Variants in ASTN2 observed in about 807,000 individuals in gnomAD.
ASTN2 encodes astrotactin 2.
A neutral mutation model predicts 139.8 loss-of-function variants in ASTN2; 54 were observed. That is an observed-to-expected ratio of 0.39 (90% CI 0.31 to 0.48). ASTN2 has a LOEUF of 0.48. Ranked by LOEUF, ASTN2 falls within the 20% of genes least tolerant of loss-of-function variation. ASTN2 has a pLI of 0.95. For missense variants in ASTN2, 1,565 were observed against 1,725.1 expected, an observed-to-expected ratio of 0.91 and a Z score of 1.64; for synonymous variants, 756 against 719.5, an observed-to-expected ratio of 1.05 and a Z score of -0.81.
intron 1 of ASTN2, among the ~76,000 whole-genome samples, chr9:117,361,325 T>G (rs906861359): frequency 6.6e-6 from 1 of 152,154 alleles, no homozygotes. Context: ...GCGGCCAGCA[T>G]AGCAAGTCGC....
chr9:117,363,002 T>A (rs1421114040), intron 1 of ASTN2, among the ~76,000 whole-genome samples: 1 of 152,170 alleles, frequency 6.6e-6, no homozygotes, highest in Non-Finnish European at 1.5e-5. Context: ...AGTTTCAATA[T>A]CCAAACCAAA....
At chr9:117,322,370 C>A (rs533953260) in intron 1 of ASTN2, among the ~76,000 whole-genome samples, 2 of 152,316 alleles carry the variant, frequency 1.3e-5, no homozygotes, top group African/African-American at 2.4e-5. Flanking sequence ...TTAATGATCA[C>A]CTGCCATGTG....
At chr9:116,733,591 A>T (rs1828845141) in intron 13 of ASTN2, 68 bp from the exon 14 acceptor site, 1 of 1,596,848 alleles carries the variant, frequency 6.3e-7, no homozygotes, top group Middle Eastern at 1.7e-4. Context: ...CAGGGCAAGG[A>T]GGCAGGATGC....
chr9:116,448,533 T>A (rs994464908), intron 20 of ASTN2, among the ~76,000 whole-genome samples: 1 of 152,188 alleles, frequency 6.6e-6, no homozygotes, highest in African/African-American at 2.4e-5. Flanking sequence ...AGAGCTGGTG[T>A]TACACGTTCC....
Position 116,498,479 on chromosome 9 carries a change from C to T in ASTN2, c.3356-10979G>A, listed in dbSNP as rs559735228. 5.3e-5 allele frequency among the ~76,000 whole-genome samples: 8 copies of T among 151,958 alleles called. No individual in the cohort carries two copies. In the South Asian group the frequency reaches 1.7e-3, roughly 32 times the overall value. ...CAGGTGTGGTGGCATGTGTCTGTAGCCCTAGCTATATGAGAGGCTGAAGTG... is the reference window on the plus strand; with the variant it reads ...CAGGTGTGGTGGCATGTGTCTGTAGTCCTAGCTATATGAGAGGCTGAAGTG... On this transcript the variant is annotated intron_variant, in intron 19 of 22. Transcript: ENST00000313400.
intron 3 of ASTN2, among the ~76,000 whole-genome samples, chr9:117,145,341 T>C (rs1042110467): frequency 1.3e-5 from 2 of 152,204 alleles, no homozygotes; most frequent in African/African-American, 4.8e-5. Context: ...TACTCATTCC[T>C]AGCTTGTGCT....
At chr9:117,372,191 T>A (rs1830008230) in intron 1 of ASTN2, among the ~76,000 whole-genome samples, 1 of 152,144 alleles carries the variant, frequency 6.6e-6, no homozygotes, top group African/African-American at 2.4e-5. Context: ...ATGCAATGAC[T>A]CAAAGGGTGA....
intron 11 of ASTN2, among the ~76,000 whole-genome samples, chr9:116,841,948 C>T (rs1274635139): frequency 6.6e-6 from 1 of 152,194 alleles, no homozygotes; most frequent in Non-Finnish European, 1.5e-5. Context: ...ACTCAGAGGT[C>T]AGGTGAGCTG....
At chr9:117,193,010 C>T (rs1414913709) in intron 3 of ASTN2, among the ~76,000 whole-genome samples, 1 of 152,152 alleles carries the variant, frequency 6.6e-6, no homozygotes, top group Admixed American at 6.5e-5. Flanking sequence ...AGACTATTCC[C>T]TATTTTGCTA....
chr9:116,725,656 C>T, intron 16 of ASTN2, 115 bp downstream of exon 16: 6 of 1,072,008 alleles, frequency 5.6e-6, no homozygotes, highest in Non-Finnish European at 8.1e-6. Context: ...CATGGTCACA[C>T]AGCTTAGACG....
chr9:117,299,381 G>A (rs1392265061), intron 1 of ASTN2, among the ~76,000 whole-genome samples: 1 of 152,168 alleles, frequency 6.6e-6, no homozygotes, highest in Admixed American at 6.5e-5. Flanking sequence ...GAAAAGACAT[G>A]CTATAAATAG....
At chr9:116,446,101 G>C (rs1228265953) in intron 20 of ASTN2, among the ~76,000 whole-genome samples, 2 of 151,924 alleles carry the variant, frequency 1.3e-5, no homozygotes, top group African/African-American at 4.8e-5. Context: ...ATGAAGGAGA[G>C]AGGGAGAAAG....
At chr9:117,321,946 G>A (rs1227770360) in intron 1 of ASTN2, among the ~76,000 whole-genome samples, 1 of 152,108 alleles carries the variant, frequency 6.6e-6, no homozygotes, top group East Asian at 1.9e-4. Context: ...AACTACTGCT[G>A]TAAAGAGAAA....
At chr9:117,405,940 T>C (rs771367549) in intron 1 of ASTN2, among the ~76,000 whole-genome samples, 2 of 152,196 alleles carry the variant, frequency 1.3e-5, no homozygotes, top group Non-Finnish European at 2.9e-5. Flanking sequence ...GTAGCAGCAA[T>C]GGCTATGGGT....
At chr9:117,283,607 T>C (rs1374060840) in intron 2 of ASTN2, among the ~76,000 whole-genome samples, 2 of 152,194 alleles carry the variant, frequency 1.3e-5, no homozygotes, top group Non-Finnish European at 2.9e-5. Flanking sequence ...ATGGAGCATA[T>C]TGGTGGCACA....
intron 11 of ASTN2, among the ~76,000 whole-genome samples, chr9:116,846,139 G>A (rs186174053): frequency 1.2e-4 from 18 of 152,250 alleles, no homozygotes; most frequent in African/African-American, 4.3e-4. Context: ...ATTTATATGA[G>A]GTGCTTATAG....
Position 116,699,280 on chromosome 9 carries a change from C to T in ASTN2, c.2806+26491G>A, listed in dbSNP as rs752129261. 1 of 1,614,204 alleles carries T rather than the reference C, an allele frequency of 6.2e-7. No homozygotes were observed. ...GTCAAATACAGCTGCCTATGTAGTG[C>T]TGTGCGGCCCAAATTTGTCACCTGT... is the stretch of plus-strand genomic sequence containing the variant. On this transcript the variant is annotated intron_variant, in intron 16 of 22. Transcript: ENST00000313400. This position sits in a 1 kb window ranked among gnomAD's most constrained non-coding sequence, Gnocchi z 4.2.
At chr9:116,969,608 T>G (rs549708518) in intron 10 of ASTN2, among the ~76,000 whole-genome samples, 1 of 152,022 alleles carries the variant, frequency 6.6e-6, no homozygotes, top group East Asian at 1.9e-4. Flanking sequence ...GAAACAGGAA[T>G]AGTGAGTCCC....
intron 2 of ASTN2, among the ~76,000 whole-genome samples, chr9:117,260,427 A>G (rs1312281133): frequency 1.3e-5 from 2 of 152,180 alleles, no homozygotes; most frequent in African/African-American, 4.8e-5. Context: ...CAAGGTCTGA[A>G]GCAATGTGGT....
Sources: gnomAD v4.1 joint callset for allele counts (sites outside exome capture counted in the v4.1 genomes callset) on GRCh38, gnomAD v4.1.1 for gene constraint, Gnocchi (gnomAD v3.1) non-coding constraint, MANE v1.5 for transcripts, NCBI Gene and HGNC (gene_info 2026-07-23, HGNC 2026-07-21) for gene names.